ITPR1: variants seen among roughly 807,000 people sequenced by gnomAD.
The protein encoded by ITPR1 is inositol 1,4,5-trisphosphate-gated calcium channel ITPR1.
Under a neutral mutation model 318.4 loss-of-function variants are expected in ITPR1, and 96 were observed. The observed-to-expected ratio is 0.30, with a 90% CI of 0.26 to 0.36. The LOEUF (loss-of-function observed/expected upper bound fraction) is 0.36, where lower values mean the gene tolerates loss of function less well. Among genes scored for constraint, ITPR1 ranks in the 10% least tolerant of loss-of-function variants. ITPR1 has a pLI of 1.00. For missense variants in ITPR1, 2,440 were observed against 3,460.2 expected, an observed-to-expected ratio of 0.71 and a Z score of 7.40; for synonymous variants, 1,312 against 1,289.9, an observed-to-expected ratio of 1.02 and a Z score of -0.37.
At chr3:4,775,148 C>T in intron 46 of ITPR1, 94 bp from the exon 47 acceptor site, 1 of 909,544 alleles carries the variant, frequency 1.1e-6, no homozygotes, top group Non-Finnish European at 1.8e-6. Flanking sequence ...GTATAATTAC[C>T]AACCTATTAG....
Position 4,521,020 on chromosome 3 carries a change from A to C in ITPR1, c.93-4A>C. 6.2e-7 allele frequency: 1 copy of C among 1,610,872 alleles called. No individual in the cohort carries two copies. Among genetic ancestry groups the C allele is most frequent in the Non-Finnish European group, 8.5e-7 (1 of 1,177,080 alleles). Reference sequence around the variant, plus strand: ...GACAGAGCATTTATCTGTCTTCTTTACAGCCTGGTTGATGATCGTTGTGTT... The same window carrying C: ...GACAGAGCATTTATCTGTCTTCTTTCCAGCCTGGTTGATGATCGTTGTGTT... On this transcript the variant is annotated splice_region_variant and splice_polypyrimidine_tract_variant and intron_variant, in intron 3 of 61. Coordinates refer to ENST00000649015, the MANE Select transcript of ITPR1 (RefSeq NM_001378452.1).
intron 50 of ITPR1, 55 bp from the exon 51 acceptor site, chr3:4,783,761 G>A: frequency 7.7e-7 from 1 of 1,300,628 alleles, no homozygotes; most frequent in Non-Finnish European, 1.1e-6. Flanking sequence ...AGGAGTTTCT[G>A]TGTTCCTGTT....
intron 4 of ITPR1, among the ~76,000 whole-genome samples, chr3:4,564,310 G>A (rs776939160): frequency 9.2e-5 from 14 of 152,086 alleles, no homozygotes; most frequent in African/African-American, 2.9e-4. Context: ...GGTGGTTGGC[G>A]GGCAGTCTTT....
At chr3:4,541,632 CTT>C (rs34489800) in intron 4 of ITPR1, among the ~76,000 whole-genome samples, 3 of 145,984 alleles carry the variant, frequency 2.1e-5, no homozygotes, top group African/African-American at 2.5e-5. Flanking sequence ...TCAAATACCA[CTT>C]TTTTTTTTTT....
At chr3:4,558,981 A>G (rs2086412293) in intron 4 of ITPR1, among the ~76,000 whole-genome samples, 1 of 152,114 alleles carries the variant, frequency 6.6e-6, no homozygotes, top group African/African-American at 2.4e-5. Flanking sequence ...CCTTATTACC[A>G]TATTGAATTT....
At chr3:4,827,098 T>C (rs891164137) in intron 60 of ITPR1, among the ~76,000 whole-genome samples, 1 of 152,244 alleles carries the variant, frequency 6.6e-6, no homozygotes, top group African/African-American at 2.4e-5. Flanking sequence ...AATACCTGCA[T>C]ACATGCACGT....
At chr3:4,835,387 T>C (rs1448641662) in intron 60 of ITPR1, among the ~76,000 whole-genome samples, 1 of 152,160 alleles carries the variant, frequency 6.6e-6, no homozygotes, top group African/African-American at 2.4e-5. Context: ...TAAATAAAGT[T>C]TTATTGGAAC....
chr3:4,801,268 G>T (rs2048212032), intron 54 of ITPR1, among the ~76,000 whole-genome samples: 1 of 152,160 alleles, frequency 6.6e-6, no homozygotes, highest in African/African-American at 2.4e-5. Context: ...GCCTTCCAGG[G>T]GTTTCTGCCC....
At chr3:4,658,053 T>C in intron 12 of ITPR1, 71 bp from the exon 13 acceptor site, 4 of 1,399,130 alleles carry the variant, frequency 2.9e-6, no homozygotes, top group Non-Finnish European at 3.9e-6. Flanking sequence ...TTCCTGTGGA[T>C]TGTGGAATAA....
At chr3:4,725,479 T>C (rs555301033) in intron 40 of ITPR1, 67 bp from the exon 41 acceptor site, 2 of 1,323,832 alleles carry the variant, frequency 1.5e-6, no homozygotes, top group Admixed American at 1.7e-5. Context: ...TGTTGGTCTC[T>C]GGACTTCTCT....
chr3:4,649,795 C>A (rs2093553265), intron 10 of ITPR1, among the ~76,000 whole-genome samples: 1 of 152,182 alleles, frequency 6.6e-6, no homozygotes, highest in Admixed American at 6.5e-5. Context: ...GGGCACTCTT[C>A]CTGGTTCATC....
rs774193433 is a variant in ITPR1, at chr3:4,683,569, CGT to C, written c.3327+25_3327+26del. ...TCAAACAGGTAGCTCAGGTCACCCA[CGT>C]GTGTGTTGTCTGTCCAAGAAGCTGT... On this transcript the variant is annotated intron_variant, in intron 27 of 61. Transcript: ENST00000649015. 2.5e-6 allele frequency: 4 copies of C among 1,613,672 alleles called. No homozygotes were observed. In the South Asian group the frequency reaches 4.4e-5, roughly 18 times the overall value.
chr3:4,773,198 A>C lies in ITPR1; in HGVS notation c.5980-2044A>C, dbSNP rs1023915403. Among the ~76,000 whole-genome samples, 7 of 152,284 alleles carry C rather than the reference A, an allele frequency of 4.6e-5. No homozygotes were observed. The South Asian group carries it at 1.2e-3, about 27-fold the overall frequency. ...TCAGGGGTCGGAGGAGCTTCCTAGAAGTGACTTTAGACCACATCCTGAAGG... is the reference window on the plus strand; with the variant it reads ...TCAGGGGTCGGAGGAGCTTCCTAGACGTGACTTTAGACCACATCCTGAAGG... On this transcript the variant is annotated intron_variant, in intron 46 of 61. Coordinates refer to ENST00000649015, the MANE Select transcript of ITPR1 (RefSeq NM_001378452.1).
intron 4 of ITPR1, among the ~76,000 whole-genome samples, chr3:4,599,441 C>G (rs1486208113): frequency 6.6e-6 from 1 of 152,214 alleles, no homozygotes; most frequent in Non-Finnish European, 1.5e-5. Context: ...TGCAGAAAAT[C>G]TAGCCACAGT....
At chr3:4,600,797 A>G (rs1347773038) in intron 4 of ITPR1, among the ~76,000 whole-genome samples, 1 of 152,158 alleles carries the variant, frequency 6.6e-6, no homozygotes, top group African/African-American at 2.4e-5. Context: ...CACCCCCAAC[A>G]AGGGCGACTC....
At chr3:4,700,845 C>T (rs767939597) in intron 35 of ITPR1, among the ~76,000 whole-genome samples, 4 of 152,144 alleles carry the variant, frequency 2.6e-5, no homozygotes, top group African/African-American at 4.8e-5. Context: ...GTGAAAGGCA[C>T]GTCCCACATG....
At chr3:4,674,470 G>A (rs2094146268) in intron 22 of ITPR1, 127 bp downstream of exon 22, 3 of 726,996 alleles carry the variant, frequency 4.1e-6, no homozygotes, top group Non-Finnish European at 6.4e-6. Flanking sequence ...GTAATGGAAA[G>A]GAATTCAGCT....
At chr3:4,538,106 C>T (rs1271991583) in intron 4 of ITPR1, among the ~76,000 whole-genome samples, 1 of 151,952 alleles carries the variant, frequency 6.6e-6, no homozygotes, top group Non-Finnish European at 1.5e-5. Context: ...ATTAGATAAT[C>T]AATTTACAAA....
At chr3:4,691,920 G>A (rs1329767196) in intron 32 of ITPR1, among the ~76,000 whole-genome samples, 2 of 152,212 alleles carry the variant, frequency 1.3e-5, no homozygotes, top group African/African-American at 4.8e-5. Flanking sequence ...GGGAGGCTGA[G>A]GCAGGAGCAT....
Sources: allele counts gnomAD v4.1 joint callset (sites outside exome capture counted in the v4.1 genomes callset), GRCh38; gene constraint gnomAD v4.1.1; transcripts MANE v1.5; gene names NCBI Gene and HGNC (gene_info 2026-07-23, HGNC 2026-07-21).